The following PDE4D variants were observed in gnomAD, a reference collection of about 807,000 sequenced individuals.
PDE4D encodes the protein 3',5'-cyclic-AMP phosphodiesterase 4D.
PDE4D carries 24 observed loss-of-function variants against 87.4 expected under a neutral mutation model. That is an observed-to-expected ratio of 0.27 (90% CI 0.20 to 0.39). The LOEUF is 0.39. PDE4D is among the 10% of genes least tolerant of loss of function. The pLI, the probability that PDE4D is intolerant of heterozygous loss-of-function variation, is 1.00. For missense variants in PDE4D, 714 were observed against 1,041.0 expected, an observed-to-expected ratio of 0.69 and a Z score of 4.32; for synonymous variants, 384 against 383.2, an observed-to-expected ratio of 1.00 and a Z score of -0.02.
At chr5:59,075,075 AACACAC>A (rs70973189) in intron 5 of PDE4D, among the ~76,000 whole-genome samples, 3,195 of 129,812 alleles carry the variant, frequency 0.025, 88 homozygotes, top group East Asian at 0.064. Context: ...AAGCTTACAA[AACACAC>A]ACACACACAC....
chr5:59,489,386 T>C (rs1366403047), intron 1 of PDE4D, among the ~76,000 whole-genome samples: 2 of 152,204 alleles, frequency 1.3e-5, no homozygotes, highest in Non-Finnish European at 2.9e-5. Flanking sequence ...CACAAGCATC[T>C]AGAAGACAGT....
intron 1 of PDE4D, among the ~76,000 whole-genome samples, chr5:60,357,628 G>C (rs987165372): frequency 6.6e-6 from 1 of 151,848 alleles, no homozygotes; most frequent in African/African-American, 2.4e-5. Flanking sequence ...CTATCTTTTG[G>C]CTTCTGCTAC....
chr5:59,186,801 G>A (rs1435010016), intron 3 of PDE4D, among the ~76,000 whole-genome samples: 8 of 152,104 alleles, frequency 5.3e-5, no homozygotes, highest in African/African-American at 1.9e-4. Flanking sequence ...ACAACCCACG[G>A]CTCTGAAAGG....
intron 1 of PDE4D, among the ~76,000 whole-genome samples, chr5:60,279,092 A>C (rs1751642597): frequency 6.6e-6 from 1 of 152,172 alleles, no homozygotes; most frequent in Non-Finnish European, 1.5e-5. Context: ...CATGATTTCC[A>C]CATGGATGCA....
At chr5:60,161,482 T>A (rs1782471038) in intron 2 of PDE4D, among the ~76,000 whole-genome samples, 1 of 152,134 alleles carries the variant, frequency 6.6e-6, no homozygotes, top group African/African-American at 2.4e-5. Context: ...AACAACATAC[T>A]CAAGCAAAAC....
At chr5:60,108,610 T>C (rs1414280518) in intron 2 of PDE4D, among the ~76,000 whole-genome samples, 3 of 152,010 alleles carry the variant, frequency 2.0e-5, no homozygotes, top group African/African-American at 4.8e-5. Context: ...CTTCAAACTA[T>C]ACTACAAGGC....
intron 1 of PDE4D, among the ~76,000 whole-genome samples, chr5:59,496,035 GA>G (rs1807122859): frequency 1.3e-5 from 2 of 152,128 alleles, no homozygotes; most frequent in African/African-American, 2.4e-5. Context: ...GGGAAGAATT[GA>G]ATCACACCTG....
intron 6 of PDE4D, among the ~76,000 whole-genome samples, chr5:59,023,964 G>A (rs1285916083): frequency 5.5e-5 from 8 of 146,130 alleles, no homozygotes; most frequent in East Asian, 2.0e-4. Flanking sequence ...GTGCAGTGGC[G>A]CCATCTCCAT....
chr5:59,963,066 G>C (rs927140484), intron 3 of PDE4D, among the ~76,000 whole-genome samples: 16 of 152,224 alleles, frequency 1.1e-4, no homozygotes, highest in African/African-American at 3.9e-4. Context: ...GTTATAGAAA[G>C]GGACACAATC....
chr5:59,196,229 T>A (rs548137987), intron 2 of PDE4D, among the ~76,000 whole-genome samples: 1 of 152,342 alleles, frequency 6.6e-6, no homozygotes, highest in South Asian at 2.1e-4. Context: ...ATTTTTCAGA[T>A]GAGAAAATTG....
chr5:59,612,411 GC>G (rs1377697145), intron 1 of PDE4D, among the ~76,000 whole-genome samples: 3 of 151,962 alleles, frequency 2.0e-5, no homozygotes, highest in African/African-American at 7.3e-5. Flanking sequence ...TATATAGCCT[GC>G]TTCTACCTAA....
At chr5:59,703,294 C>A (rs1041922341) in intron 1 of PDE4D, among the ~76,000 whole-genome samples, 1 of 152,180 alleles carries the variant, frequency 6.6e-6, no homozygotes, top group Non-Finnish European at 1.5e-5. Context: ...GCAAACCTCA[C>A]TTCAGCCTTG....
At chr5:60,103,992 G>A (rs1776537595) in intron 2 of PDE4D, among the ~76,000 whole-genome samples, 1 of 152,190 alleles carries the variant, frequency 6.6e-6, no homozygotes, top group Non-Finnish European at 1.5e-5. Flanking sequence ...TCACTAGGGA[G>A]TGCCAGACAG....
Position 59,514,387 on chromosome 5 carries a change from G to A in PDE4D, c.456-298419C>T, listed in dbSNP as rs527567195. 3.3e-5 allele frequency among the ~76,000 whole-genome samples: 5 copies of A among 152,232 alleles called. No individual in the cohort carries two copies. The South Asian group carries it at 1.0e-3, about 32-fold the overall frequency. ...CCCAAAGCACTGGGATTACAGGCGT[G>A]AGCCACCGCACCCGGCCTTCATTTT... On this transcript the variant is annotated intron_variant, in intron 1 of 14. Coordinates refer to ENST00000340635, the MANE Select transcript of PDE4D (RefSeq NM_001104631.2).
chr5:60,206,510 C>T (rs1401261323), intron 1 of PDE4D, among the ~76,000 whole-genome samples: 1 of 152,222 alleles, frequency 6.6e-6, no homozygotes, highest in Non-Finnish European at 1.5e-5. Context: ...TGTACTTATA[C>T]TACACCTTTC....
chr5:60,017,338 G>T (rs1765626072), intron 2 of PDE4D, among the ~76,000 whole-genome samples: 1 of 152,094 alleles, frequency 6.6e-6, no homozygotes, highest in African/African-American at 2.4e-5. Flanking sequence ...GGACATGCAG[G>T]TTTGTCACAT....
chr5:59,014,696 G>A (rs1753608412), intron 6 of PDE4D, among the ~76,000 whole-genome samples: 1 of 152,136 alleles, frequency 6.6e-6, no homozygotes, highest in African/African-American at 2.4e-5. Flanking sequence ...TGGCCATACT[G>A]CCCAAGGTAA....
chr5:59,814,650 G>A (rs1170027223), intron 1 of PDE4D, among the ~76,000 whole-genome samples: 1 of 152,180 alleles, frequency 6.6e-6, no homozygotes, highest in Non-Finnish European at 1.5e-5. Context: ...GTTCACCAAA[G>A]ATAAAAACAA....
intron 1 of PDE4D, among the ~76,000 whole-genome samples, chr5:59,380,219 A>G (rs191579166): frequency 1.3e-5 from 2 of 152,264 alleles, no homozygotes; most frequent in East Asian, 3.9e-4. Context: ...TTATGATTTT[A>G]TAAAAGATTG....
Sources: allele counts gnomAD v4.1 joint callset (sites outside exome capture counted in the v4.1 genomes callset), GRCh38; gene constraint gnomAD v4.1.1; transcripts MANE v1.5; gene names NCBI Gene and HGNC (gene_info 2026-07-23, HGNC 2026-07-21).